The following ST6GALNAC3 variants were observed in gnomAD, a reference collection of about 807,000 sequenced individuals.
The protein encoded by ST6GALNAC3 is alpha-N-acetylgalactosaminide alpha-2,6-sialyltransferase 3.
ST6GALNAC3 carries 25 observed loss-of-function variants against 32.7 expected under a neutral mutation model. That is an observed-to-expected ratio of 0.76 (90% CI 0.56 to 1.07). ST6GALNAC3 has a LOEUF of 1.07. Ranked by LOEUF, ST6GALNAC3 falls within the 50% of genes least tolerant of loss-of-function variation. The probability of loss-of-function intolerance (pLI) is 0.00; values close to 1 mark genes in which losing one functional copy is unlikely to be tolerated. For missense variants in ST6GALNAC3, 355 were observed against 382.4 expected (o/e 0.93, Z 0.60); for synonymous variants, 129 against 133.1 (o/e 0.97, Z 0.21).
At chr1:76,339,485 A>G (rs1647779487) in intron 2 of ST6GALNAC3, among the ~76,000 whole-genome samples, 1 of 152,198 alleles carries the variant, frequency 6.6e-6, no homozygotes, top group African/African-American at 2.4e-5. Flanking sequence ...CCAAAGACTC[A>G]TTTTATACTT....
At chr1:76,578,527 G>T (rs1646845304) in intron 3 of ST6GALNAC3, among the ~76,000 whole-genome samples, 1 of 151,870 alleles carries the variant, frequency 6.6e-6, no homozygotes, top group Non-Finnish European at 1.5e-5. Flanking sequence ...TTGATTTGTT[G>T]GATTGGAGAA....
intron 1 of ST6GALNAC3, among the ~76,000 whole-genome samples, chr1:76,280,372 C>G (rs777364766): frequency 6.6e-6 from 1 of 152,138 alleles, no homozygotes; most frequent in Non-Finnish European, 1.5e-5. Flanking sequence ...TCTTTTCTTC[C>G]TAGAACTAAC....
At chr1:76,624,027 AC>A (rs749152265) in intron 3 of ST6GALNAC3, among the ~76,000 whole-genome samples, 16 of 151,990 alleles carry the variant, frequency 1.1e-4, no homozygotes, top group Non-Finnish European at 1.8e-4. Context: ...CCTAGCTTGT[AC>A]TGTGGGTAGG....
intron 1 of ST6GALNAC3, among the ~76,000 whole-genome samples, chr1:76,296,170 T>G (rs1660392396): frequency 6.6e-6 from 1 of 152,066 alleles, no homozygotes; most frequent in Admixed American, 6.6e-5. Flanking sequence ...AAAACTGGTT[T>G]CTTTAACATC....
intron 1 of ST6GALNAC3, among the ~76,000 whole-genome samples, chr1:76,110,507 T>C (rs1285790716): frequency 6.6e-6 from 1 of 152,270 alleles, no homozygotes; most frequent in Non-Finnish European, 1.5e-5. Flanking sequence ...TGCAAAGTTC[T>C]GGCTTGCCAC....
At chr1:76,118,015 A>G (rs975590628) in intron 1 of ST6GALNAC3, among the ~76,000 whole-genome samples, 4 of 152,200 alleles carry the variant, frequency 2.6e-5, no homozygotes, top group Non-Finnish European at 5.9e-5. Context: ...ATACATGTGC[A>G]GAATGTGCAG....
At chr1:76,276,158 G>A (rs1659122412) in intron 1 of ST6GALNAC3, among the ~76,000 whole-genome samples, 1 of 151,334 alleles carries the variant, frequency 6.6e-6, no homozygotes. Flanking sequence ...CATCACATAA[G>A]TTAAAATTAT....
chr1:76,162,916 A>G (rs1404169507), intron 1 of ST6GALNAC3, among the ~76,000 whole-genome samples: 1 of 152,184 alleles, frequency 6.6e-6, no homozygotes, highest in Non-Finnish European at 1.5e-5. Context: ...CTGGGGAAAG[A>G]CTGTCCAAGG....
intron 3 of ST6GALNAC3, among the ~76,000 whole-genome samples, chr1:76,507,131 T>A (rs1422026559): frequency 6.6e-6 from 1 of 152,094 alleles, no homozygotes; most frequent in African/African-American, 2.4e-5. Context: ...TGGTCCTAAG[T>A]ATAAGGTAGG....
chr1:76,342,233 G>T (rs914816909), intron 2 of ST6GALNAC3, among the ~76,000 whole-genome samples: 2 of 152,150 alleles, frequency 1.3e-5, no homozygotes, highest in East Asian at 3.8e-4. Flanking sequence ...CCAGTAATGG[G>T]ATTGCTGGGT....
At chr1:76,441,915 C>T (rs1270468254) in intron 3 of ST6GALNAC3, among the ~76,000 whole-genome samples, 1 of 152,198 alleles carries the variant, frequency 6.6e-6, no homozygotes, top group Non-Finnish European at 1.5e-5. Flanking sequence ...CAGCCACAAT[C>T]TTCAAAGTCT....
rs141402466 is a variant in ST6GALNAC3, at chr1:76,501,916, G to A, written c.623+89499G>A. The stretch of plus-strand genomic sequence containing the variant: ...TCAATGAAATCAGAGCTCCTGATCA[G>A]TTCAGCAATTTCTGTGATACTTTTC... On this transcript the variant is annotated intron_variant, in intron 3 of 4. Transcript: ENST00000328299. Among the ~76,000 whole-genome samples the A allele has an allele frequency of 6.5e-4, 99 of 152,354 alleles. 1 individual carries two copies. Among genetic ancestry groups the A allele is most frequent in the Non-Finnish European group, 7.8e-4 (53 of 68,034 alleles).
At position 76,378,290 on chromosome 1, in the gene ST6GALNAC3, G is replaced by T. The variant is rs189937444; in HGVS notation, c.214-33718G>T. 3.8e-3 allele frequency among the ~76,000 whole-genome samples: 585 copies of T among 152,256 alleles called. 4 individuals carry two copies. Among genetic ancestry groups the T allele is most frequent in the African/African-American group, 0.014 (562 of 41,546 alleles). On this transcript the variant is annotated intron_variant, in intron 2 of 4. Coordinates refer to ENST00000328299, the MANE Select transcript of ST6GALNAC3 (RefSeq NM_152996.4). ...TTTTCCTGTCTTTCTAGGCATCCTTGTTGATAGATCTTTGGATAGAATTTT... is the reference window on the plus strand; with the variant it reads ...TTTTCCTGTCTTTCTAGGCATCCTTTTTGATAGATCTTTGGATAGAATTTT...
intron 1 of ST6GALNAC3, among the ~76,000 whole-genome samples, chr1:76,165,246 A>G (rs1557666228): frequency 6.6e-6 from 1 of 152,146 alleles, no homozygotes; most frequent in East Asian, 1.9e-4. Flanking sequence ...TTTAGCTCCT[A>G]TTTGTAAGTG....
chr1:76,608,385 C>T (rs528983379), intron 3 of ST6GALNAC3, among the ~76,000 whole-genome samples: 1 of 152,232 alleles, frequency 6.6e-6, no homozygotes, highest in African/African-American at 2.4e-5. Context: ...ATGAAATTTG[C>T]AGTCTAACGG....
At chr1:76,569,116 G>A (rs960747467) in intron 3 of ST6GALNAC3, among the ~76,000 whole-genome samples, 5 of 152,056 alleles carry the variant, frequency 3.3e-5, no homozygotes, top group African/African-American at 4.8e-5. Flanking sequence ...CTATTCTCTA[G>A]GGAAATGAAT....
At chr1:76,183,094 G>C (rs1383912643) in intron 1 of ST6GALNAC3, among the ~76,000 whole-genome samples, 2 of 152,080 alleles carry the variant, frequency 1.3e-5, no homozygotes, top group Non-Finnish European at 1.5e-5. Flanking sequence ...TGGTTATGGA[G>C]AAGTCTAGAA....
Position 76,314,141 on chromosome 1 carries a change from CTTA to C in ST6GALNAC3, c.213+148_213+150del, listed in dbSNP as rs1436015809. On this transcript the variant is annotated intron_variant, in intron 2 of 4. Transcript: ENST00000328299. ...TTGGGTCCCTGACAACATCTTCTGT[CTTA>C]TTATTCTTAGACATTTACTGACAAA... The C allele has an allele frequency of 4.5e-6, 3 of 671,902 alleles. No homozygotes were observed. The African/African-American group carries it at 5.5e-5, about 12-fold the overall frequency. 41.6% of individuals were successfully genotyped at this position (671,902 alleles called of 1,614,324 possible).
At chr1:76,566,351 T>TTA (rs1054149538) in intron 3 of ST6GALNAC3, among the ~76,000 whole-genome samples, 2 of 152,090 alleles carry the variant, frequency 1.3e-5, no homozygotes, top group Non-Finnish European at 2.9e-5. Context: ...TTACAGTGTA[T>TTA]TATCTACACT....
Sources: gnomAD v4.1 joint callset for allele counts (sites outside exome capture counted in the v4.1 genomes callset) on GRCh38, gnomAD v4.1.1 for gene constraint, MANE v1.5 for transcripts, NCBI Gene and HGNC (gene_info 2026-07-23, HGNC 2026-07-21) for gene names.